Variants in COL27A1 observed in about 807,000 individuals in gnomAD.
COL27A1 encodes the protein collagen type XXVII alpha 1 chain, also known as collagen alpha-1(XXVII) chain.
COL27A1 carries 106 observed loss-of-function variants against 251.3 expected under a neutral mutation model. The ratio of observed to expected loss-of-function variants is 0.42; its 90% confidence interval spans 0.36 to 0.50. The LOEUF is 0.50. Ranked by LOEUF, COL27A1 falls within the 20% of genes least tolerant of loss-of-function variation. The pLI is 0.00. For synonymous variants in COL27A1, 1,000 were observed against 986.3 expected (o/e 1.01, Z -0.26); for missense variants, 2,325 against 2,522.8 (o/e 0.92, Z 1.68).
chr9:114,243,604 A>T, intron 23 of COL27A1, 44 bp downstream of exon 23: 1 of 1,507,974 alleles, frequency 6.6e-7, no homozygotes, highest in Non-Finnish European at 9.2e-7. Context: ...GAAAGAGGGG[A>T]TCCTACATAT....
At chr9:114,227,222 G>A (rs871876) in intron 14 of COL27A1, among the ~76,000 whole-genome samples, 104,051 of 151,468 alleles carry the variant, frequency 0.69, 37,581 homozygotes, top group South Asian at 0.85. Flanking sequence ...TGGCAGTCAG[G>A]GGAGCACAAC....
chr9:114,157,108 G>GCGCA (rs1848177803), intron 1 of COL27A1, among the ~76,000 whole-genome samples: 1 of 97,480 alleles, frequency 1.0e-5, no homozygotes, highest in Non-Finnish European at 2.2e-5. Flanking sequence ...ACACACATAC[G>GCGCA]CGCGCGCGGC....
rs989437367 is a variant in COL27A1, at chr9:114,237,003, T to C, written c.2642T>C (p.Phe881Ser). Residue 881 changes from phenylalanine to serine, a missense_variant, in exon 18 of 61, where the codon TTC becomes TCC. Phe to Ser is a radical substitution (Grantham distance 155). Transcript: ENST00000356083. The stretch of plus-strand genomic sequence containing the variant: ...CAGGGGAGCCAGGGGTTGCCAGGGT[T>C]CCCCGGTGCACGGGGGAAGCCAGGG... Reference protein sequence around the residue: ...GDKGSQGLPGFPGARGKPGPL... With the variant: ...GDKGSQGLPGSPGARGKPGPL... 6.2e-7 allele frequency: 1 copy of C among 1,612,510 alleles called. No homozygotes were observed. The highest frequency in any genetic ancestry group is 8.5e-7 in the Non-Finnish European group (1 of 1,179,244).
chr9:114,275,067 C>T (rs1035020335), intron 36 of COL27A1, among the ~76,000 whole-genome samples: 4 of 139,140 alleles, frequency 2.9e-5, no homozygotes, highest in East Asian at 2.5e-4. Context: ...GGCTCAAGCT[C>T]TCTTGTAGCA....
Position 114,264,419 on chromosome 9 carries a change from C to G in COL27A1, c.3249+11C>G. The G allele has an allele frequency of 6.4e-7, 1 of 1,556,564 alleles. No homozygotes were observed. Among genetic ancestry groups the G allele is most frequent in the Non-Finnish European group, 8.7e-7 (1 of 1,147,834 alleles). On this transcript the variant is annotated intron_variant, in intron 29 of 60. Transcript: ENST00000356083. Reference sequence around the variant, plus strand: ...TCCAGGGGCCTGAAGGTACCGACCCCTAGGACCTGCCCTTCCTCACTCCTC... The same window carrying G: ...TCCAGGGGCCTGAAGGTACCGACCCGTAGGACCTGCCCTTCCTCACTCCTC...
At chr9:114,237,546 T>C (rs1197498732) in intron 18 of COL27A1, 116 bp from the exon 19 acceptor site, 10 of 874,282 alleles carry the variant, frequency 1.1e-5, no homozygotes, top group Admixed American at 7.2e-5. Context: ...TCCAGGCAGA[T>C]TTTATGCACA....
chr9:114,272,281 G>A (rs775946005), intron 36 of COL27A1: 2 of 152,326 alleles, frequency 1.3e-5, no homozygotes, highest in Middle Eastern at 3.4e-3. Context: ...CACTCTGGGC[G>A]GCCACCTTTC....
At chr9:114,237,059 C>T (rs1237184338) in intron 18 of COL27A1, 25 bp downstream of exon 18, 2 of 1,580,380 alleles carry the variant, frequency 1.3e-6, no homozygotes, top group Middle Eastern at 1.7e-4. Flanking sequence ...CTCCAGCACC[C>T]CCAAACCTCA....
chr9:114,290,689 C>A lies in COL27A1; in HGVS notation c.4369-121C>A, dbSNP rs1255411304. ...CATCACACACAGGCCGTCTGACCTC[C>A]ATCCTGGAGTGTGACCCCTTCCTCC... On this transcript the variant is annotated intron_variant, in intron 47 of 60. Coordinates refer to ENST00000356083, the MANE Select transcript of COL27A1 (RefSeq NM_032888.4). The surrounding 1 kb of genome is among the most constrained non-coding windows in gnomAD (Gnocchi z 4.6). 12 of 721,494 alleles carry A rather than the reference C, an allele frequency of 1.7e-5. No homozygotes were observed. Among genetic ancestry groups the A allele is most frequent in the Non-Finnish European group, 2.5e-5 (11 of 434,238 alleles). 44.7% of individuals were successfully genotyped at this position (721,494 alleles called of 1,614,324 possible).
chr9:114,243,434 C>A, intron 22 of COL27A1, 73 bp from the exon 23 acceptor site: 1 of 1,252,650 alleles, frequency 8.0e-7, no homozygotes, highest in Non-Finnish European at 1.2e-6. Context: ...CTGTGCCAGG[C>A]CCTTGGAGCC....
rs1450625065 is a variant in COL27A1 at position 114,265,118 on chromosome 9, G to A, written c.3339+8G>A. On this transcript the variant is annotated splice_region_variant and intron_variant, in intron 31 of 60. Transcript: ENST00000356083. ...GGCTCGAGAGGCTTTCCTGTAAGTA[G>A]CACCAGTTCTTGAAATTCTCTACAT... 1 of 1,406,164 alleles carries A rather than the reference G, an allele frequency of 7.1e-7. No individual in the cohort carries two copies. The highest frequency in any genetic ancestry group is 9.6e-7 in the Non-Finnish European group (1 of 1,046,316). The allele number at this position is 1,406,164 out of a possible 1,614,324, so 87.1% of individuals were successfully genotyped here.
At chr9:114,279,505 C>T (rs1207374482) in intron 37 of COL27A1, among the ~76,000 whole-genome samples, 1 of 152,100 alleles carries the variant, frequency 6.6e-6, no homozygotes, top group Non-Finnish European at 1.5e-5. Flanking sequence ...TTTAAATTTT[C>T]TAGTAGCCAC....
In COL27A1 at chr9:114,301,703, C is replaced by T. The variant is rs139690392; in HGVS notation, c.4831C>T (p.Arg1611Trp). 11 of 1,611,862 alleles carry T rather than the reference C, an allele frequency of 6.8e-6. No individual in the cohort carries two copies. Among genetic ancestry groups the T allele is most frequent in the Admixed American group, 1.7e-5 (1 of 59,742 alleles). Residue 1611 changes from arginine (R) to tryptophan (W), a missense_variant, in exon 55 of 61, where the codon CGG becomes TGG. Transcript: ENST00000356083. ...GPRGPPGPRG[R>W]PGPPGPPGGP... ...CCAGGGTCCTCCCGGCCCCAGAGGG[C>T]GGCCCGGCCCCCCGGTAGGTAACTG...
At chr9:114,197,354 C>A (rs146839999) in intron 7 of COL27A1, among the ~76,000 whole-genome samples, 2,193 of 152,262 alleles carry the variant, frequency 0.014, 25 homozygotes, top group Non-Finnish European at 0.023. Context: ...CCAGAGCAGG[C>A]CATACCTTCA....
intron 7 of COL27A1, among the ~76,000 whole-genome samples, chr9:114,199,968 C>T (rs890974642): frequency 8.5e-5 from 13 of 152,230 alleles, no homozygotes; most frequent in African/African-American, 3.1e-4. Flanking sequence ...TGCTTCTCTC[C>T]AGCCTGACAT....
intron 2 of COL27A1, among the ~76,000 whole-genome samples, chr9:114,163,049 C>A (rs1848605797): frequency 1.3e-5 from 2 of 152,070 alleles, no homozygotes; most frequent in South Asian, 2.1e-4. Flanking sequence ...TCCTGGCCAA[C>A]ATGGTGAAAC....
chr9:114,282,293 C>T lies in COL27A1; in HGVS notation c.3734C>T (p.Ser1245Leu), dbSNP rs757210687. 6.2e-7 allele frequency: 1 copy of T among 1,613,960 alleles called. No individual in the cohort carries two copies. The highest frequency in any genetic ancestry group is 1.1e-5 in the South Asian group (1 of 91,082). Residue 1245 changes from serine to leucine, a missense_variant, in exon 38 of 61, where the codon TCA becomes TTA. This residue lies in a region of COL27A1 where 662 missense variants were observed against 795.3 expected (regional missense o/e 0.83). Coordinates refer to ENST00000356083, the MANE Select transcript of COL27A1 (RefSeq NM_032888.4). ...VTGVRGPEGK[S>L]GKQGEKGRTG... ...TCTCTTCAGGGTCCTGAAGGAAAAT[C>T]AGGGAAGCAAGGCGAGAAGGGCCGC...
intron 36 of COL27A1, among the ~76,000 whole-genome samples, chr9:114,274,633 A>G (rs1835368842): frequency 6.6e-6 from 1 of 152,226 alleles, no homozygotes; most frequent in African/African-American, 2.4e-5. Flanking sequence ...CAGAGCCCAG[A>G]GCGATAGGAG....
In COL27A1 at chr9:114,212,014, C is replaced by T. The variant is rs531492323; in HGVS notation, c.2367+988C>T. ...TCGAGAGTGCTCAGAGGGGCCTCTC[C>T]GTGCTTCTGCCACTGATGGGCATGT... On this transcript the variant is annotated intron_variant, in intron 12 of 60. Transcript: ENST00000356083. 2.6e-5 allele frequency among the ~76,000 whole-genome samples: 4 copies of T among 152,318 alleles called. No individual in the cohort carries two copies. In the South Asian group the frequency reaches 6.2e-4, roughly 24 times the overall value.
Sources: gnomAD v4.1 joint callset for allele counts (sites outside exome capture counted in the v4.1 genomes callset) on GRCh38, gnomAD v4.1.1 for gene constraint, gnomAD v4.1.1 regional missense constraint, Gnocchi (gnomAD v3.1) non-coding constraint, MANE v1.5 for transcripts, NCBI Gene and HGNC (gene_info 2026-07-23, HGNC 2026-07-21) for gene names.